The following TACC2 variants were observed in gnomAD, a reference collection of about 807,000 sequenced individuals.
The protein encoded by TACC2 is transforming acidic coiled-coil containing protein 2, also known as transforming acidic coiled-coil-containing protein 2.
Under a neutral mutation model 227.3 loss-of-function variants are expected in TACC2, and 137 were observed. The observed-to-expected ratio is 0.60, with a 90% CI of 0.52 to 0.69. TACC2 has a LOEUF of 0.69. Among genes scored for constraint, TACC2 ranks in the 30% least tolerant of loss-of-function variants. TACC2 has a pLI of 0.00. For synonymous variants in TACC2, 1,523 were observed against 1,487.5 expected (o/e 1.02, Z -0.55); for missense variants, 3,470 against 3,694.4 (o/e 0.94, Z 1.57).
intron 1 of TACC2, among the ~76,000 whole-genome samples, chr10:122,011,109 C>T (rs1343894446): frequency 1.3e-5 from 2 of 152,126 alleles, no homozygotes; most frequent in South Asian, 2.1e-4. Flanking sequence ...TAGATTAGCC[C>T]CATTAGTCCT....
chr10:122,013,608 G>T (rs2135384836), intron 1 of TACC2, among the ~76,000 whole-genome samples: 1 of 152,344 alleles, frequency 6.6e-6, no homozygotes, highest in Middle Eastern at 3.4e-3. Flanking sequence ...TGCTGGGTCA[G>T]GTGAACCTGA....
At chr10:122,165,272 C>A (rs2093088387) in intron 7 of TACC2, among the ~76,000 whole-genome samples, 1 of 152,098 alleles carries the variant, frequency 6.6e-6, no homozygotes, top group South Asian at 2.1e-4. Context: ...CAGAAAAGAA[C>A]CACTTTAACC....
chr10:122,008,381 C>A (rs1054597835), intron 1 of TACC2, among the ~76,000 whole-genome samples: 1 of 151,738 alleles, frequency 6.6e-6, no homozygotes, highest in Non-Finnish European at 1.5e-5. Context: ...CTGCCTCAGC[C>A]TCTCGAGTAG....
intron 7 of TACC2, chr10:122,192,809 C>T (rs540377460): frequency 2.2e-6 from 1 of 456,572 alleles, no homozygotes; most frequent in East Asian, 7.0e-5. Context: ...CAAGTTATCT[C>T]TGTGTATCTT....
rs765741125 is a variant in TACC2 at position 122,249,067 on chromosome 10, G to A, written c.8571G>A (p.Lys2857=). Residue 2857 remains lysine (K), a synonymous_variant, in exon 21 of 23, where the codon AAG becomes AAA. Coordinates refer to ENST00000369005, the MANE Select transcript of TACC2 (RefSeq NM_206862.4). The stretch of plus-strand genomic sequence containing the variant: ...TGTGTCAGAATGAAGAGGTGTTGAA[G>A]AGATGTGCGCAGGAGTACCTGTCCC... ...EGFRKNEEVL[K]RCAQEYLSRV... is the part of the protein sequence containing the mutation. 3.7e-6 allele frequency: 6 copies of A among 1,613,108 alleles called. No homozygotes were observed. The African/African-American group carries it at 6.7e-5, about 18-fold the overall frequency.
intron 2 of TACC2, among the ~76,000 whole-genome samples, chr10:122,037,077 A>G (rs1007823299): frequency 6.6e-6 from 1 of 152,198 alleles, no homozygotes; most frequent in Non-Finnish European, 1.5e-5. Flanking sequence ...CTGGTGTACT[A>G]AGGAGACAGC....
chr10:122,082,843 G>C lies in TACC2; in HGVS notation c.343G>C (p.Glu115Gln). The change falls in exon 4 of 23, where the codon GAG (glutamate) becomes CAG (glutamine). Residue 115 changes from glutamate to glutamine, a missense_variant. Around this residue, in one of 10 missense-constraint regions of TACC2, gnomAD observed 405 missense variants for 389.6 expected, o/e 1.04. Transcript: ENST00000369005. ...CCCCTCGTCCTCCATGCCCTTTGCC[G>C]AGTGTCCCCCGGAAGGTTGCTTGGC... ...EHPSSSMPFA[E>Q]CPPEGCLASP... is the part of the protein sequence containing the mutation. 6.2e-7 allele frequency: 1 copy of C among 1,613,606 alleles called. No individual in the cohort carries two copies. The highest frequency in any genetic ancestry group is 8.5e-7 in the Non-Finnish European group (1 of 1,180,020).
Position 122,211,115 on chromosome 10 carries a change from G to A in TACC2, c.6690G>A (p.Gly2230=), listed in dbSNP as rs1040284989. 32 of 1,611,150 alleles carry A rather than the reference G, an allele frequency of 2.0e-5. No homozygotes were observed. Among genetic ancestry groups the A allele is most frequent in the Non-Finnish European group, 2.5e-5 (29 of 1,178,850 alleles). ...GAGTGCAGAACTCACCCCCTGTCGG[G>A]AGGAAAACGCTGCCTCTTACCACGG... ...GGRVQNSPPV[G]RKTLPLTTAP... Residue 2230 remains glycine (G), a synonymous_variant, in exon 9 of 23, where the codon GGG becomes GGA. Transcript: ENST00000369005.
intron 5 of TACC2, among the ~76,000 whole-genome samples, chr10:122,125,495 C>T (rs549773848): frequency 3.4e-4 from 51 of 152,110 alleles, no homozygotes; most frequent in Non-Finnish European, 6.2e-4. Context: ...CCACCATGCC[C>T]GTCCCATGAC....
intron 5 of TACC2, among the ~76,000 whole-genome samples, chr10:122,119,031 AC>A (rs2085235059): frequency 6.6e-6 from 1 of 152,222 alleles, no homozygotes; most frequent in African/African-American, 2.4e-5. Context: ...TTTTAAGTGT[AC>A]AGTTTGGTGG....
intron 8 of TACC2, among the ~76,000 whole-genome samples, chr10:122,204,432 G>A (rs1028396906): frequency 6.6e-6 from 1 of 152,154 alleles, no homozygotes; most frequent in African/African-American, 2.4e-5. Flanking sequence ...CCCTTGGTCG[G>A]CAGCCCACCA....
rs571580989 is a variant in TACC2, at chr10:122,142,504, C to T, written c.5700-1068C>T. Among the ~76,000 whole-genome samples the T allele has an allele frequency of 8.5e-5, 13 of 152,352 alleles. No homozygotes were observed. The East Asian group carries it at 2.3e-3, about 27-fold the overall frequency. Reference sequence around the variant, plus strand: ...CAGTGTGGGTGCCTATGGCAGCTGCCCTTCAGACCAGGGTGCTAGCCTGTC... The same window carrying T: ...CAGTGTGGGTGCCTATGGCAGCTGCTCTTCAGACCAGGGTGCTAGCCTGTC... On this transcript the variant is annotated intron_variant, in intron 6 of 22. Coordinates refer to ENST00000369005, the MANE Select transcript of TACC2 (RefSeq NM_206862.4).
Position 122,211,679 on chromosome 10 carries a change from C to T in TACC2, c.7254C>T (p.Pro2418=), listed in dbSNP as rs776710818. Residue 2418 remains proline, a synonymous_variant, in exon 9 of 23, where the codon CCC becomes CCT. Transcript: ENST00000369005. ...TGGACGGGGATGGGCTAAACAAGCCCGCCAAGAAGAAGAAGACGCCCCTAA... is the reference window on the plus strand; with the variant it reads ...TGGACGGGGATGGGCTAAACAAGCCTGCCAAGAAGAAGAAGACGCCCCTAA... ...NGVDGDGLNK[P]AKKKKTPLKT... 9.6e-6 allele frequency: 15 copies of T among 1,566,130 alleles called. No individual in the cohort carries two copies. Among genetic ancestry groups the T allele is most frequent in the East Asian group, 2.2e-5 (1 of 44,620 alleles).
intron 1 of TACC2, among the ~76,000 whole-genome samples, chr10:122,017,692 C>T (rs1431607049): frequency 6.6e-6 from 1 of 151,786 alleles, no homozygotes; most frequent in Non-Finnish European, 1.5e-5. Context: ...TGGTGGGTGC[C>T]TGTAGTCCCA....
Position 122,165,284 on chromosome 10 carries a change from A to AT in TACC2, c.5834+21584dup, listed in dbSNP as rs558290900. Among the ~76,000 whole-genome samples the AT allele has an allele frequency of 6.2e-4, 95 of 152,184 alleles. 1 individual carries two copies. The highest frequency in any genetic ancestry group is 2.1e-3 in the Admixed American group (32 of 15,294). On this transcript the variant is annotated intron_variant, in intron 7 of 22. Coordinates refer to ENST00000369005, the MANE Select transcript of TACC2 (RefSeq NM_206862.4). The stretch of plus-strand genomic sequence containing the variant: ...AGGCAGAAAAGAACCACTTTAACCT[A>AT]TTTTTTGCAAGTCCCTATAGTGGAA...
chr10:122,081,173 T>A (rs192395482), intron 3 of TACC2, among the ~76,000 whole-genome samples: 1 of 152,028 alleles, frequency 6.6e-6, no homozygotes, highest in Non-Finnish European at 1.5e-5. Context: ...GATTTTTTTT[T>A]CCTACATTTT....
rs2094509290 is a variant in TACC2 at position 122,194,686 on chromosome 10, G to A, written c.5835-354G>A. On this transcript the variant is annotated intron_variant, in intron 7 of 22. Coordinates refer to ENST00000369005, the MANE Select transcript of TACC2 (RefSeq NM_206862.4). This position sits in a 1 kb window ranked among gnomAD's most constrained non-coding sequence, Gnocchi z 4.4. ...GATCATGTGGGTGAGTTGGCACAAT[G>A]GCATCGAACATGCAGAATGCCTCTC... 6.6e-6 allele frequency among the ~76,000 whole-genome samples: 1 copy of A among 152,174 alleles called. No individual in the cohort carries two copies. The highest frequency in any genetic ancestry group is 1.5e-5 in the Non-Finnish European group (1 of 68,042).
At chr10:122,161,881 C>G (rs978611798) in intron 7 of TACC2, among the ~76,000 whole-genome samples, 1 of 152,182 alleles carries the variant, frequency 6.6e-6, no homozygotes, top group Non-Finnish European at 1.5e-5. Context: ...CTTCTTTGGG[C>G]CCTCACCTGC....
intron 1 of TACC2, among the ~76,000 whole-genome samples, chr10:122,021,001 G>A (rs894903941): frequency 6.6e-6 from 1 of 152,162 alleles, no homozygotes; most frequent in African/African-American, 2.4e-5. Flanking sequence ...GGAGGCCAAG[G>A]TGGGTGGATT....
Sources: gnomAD v4.1 joint callset for allele counts (sites outside exome capture counted in the v4.1 genomes callset) on GRCh38, gnomAD v4.1.1 for gene constraint, gnomAD v4.1.1 regional missense constraint, Gnocchi (gnomAD v3.1) non-coding constraint, MANE v1.5 for transcripts, NCBI Gene and HGNC (gene_info 2026-07-23, HGNC 2026-07-21) for gene names.